ZNF644: variants seen among roughly 807,000 people sequenced by gnomAD.
ZNF644 encodes the protein zinc finger protein 644.
ZNF644 carries 20 observed loss-of-function variants against 108.0 expected under a neutral mutation model. That is an observed-to-expected ratio of 0.19 (90% CI 0.13 to 0.27). The LOEUF is 0.27. Among genes scored for constraint, ZNF644 ranks in the 10% least tolerant of loss-of-function variants. The probability of loss-of-function intolerance (pLI) is 1.00; values close to 1 mark genes in which losing one functional copy is unlikely to be tolerated. For missense variants in ZNF644, 1,338 were observed against 1,548.9 expected (o/e 0.86, Z 2.29); for synonymous variants, 542 against 539.1 (o/e 1.01, Z -0.08).
intron 1 of ZNF644, among the ~76,000 whole-genome samples, chr1:90,989,394 AT>A (rs1198472565): frequency 2.6e-5 from 4 of 152,006 alleles, no homozygotes; most frequent in Admixed American, 6.6e-5. Flanking sequence ...ACTAAAAAAA[AT>A]AAATAGGTGT....
intron 1 of ZNF644, among the ~76,000 whole-genome samples, chr1:91,000,028 A>C (rs902590083): frequency 6.6e-6 from 1 of 152,220 alleles, no homozygotes. Context: ...GAGCACCCAG[A>C]TTCATAAAGC....
At chr1:91,002,216 G>A (rs534973615) in intron 1 of ZNF644, among the ~76,000 whole-genome samples, 9 of 152,200 alleles carry the variant, frequency 5.9e-5, no homozygotes, top group South Asian at 2.1e-4. Flanking sequence ...AGCCCGCATC[G>A]CCAAGTCAAT....
At chr1:90,976,223 C>T (rs1161923854) in intron 2 of ZNF644, among the ~76,000 whole-genome samples, 1 of 152,240 alleles carries the variant, frequency 6.6e-6, no homozygotes, top group South Asian at 2.1e-4. Context: ...TGATATCTTG[C>T]TCTATGAAGC....
intron 4 of ZNF644, among the ~76,000 whole-genome samples, chr1:90,922,714 T>G (rs1570333623): frequency 6.6e-6 from 1 of 152,032 alleles, no homozygotes; most frequent in South Asian, 2.1e-4. Flanking sequence ...TGATAGGTAG[T>G]TTTTTTTATT....
chr1:91,004,619 T>C (rs1234860186), intron 1 of ZNF644, among the ~76,000 whole-genome samples: 1 of 152,108 alleles, frequency 6.6e-6, no homozygotes, highest in Admixed American at 6.5e-5. Context: ...AGTATAACTG[T>C]TTTCTCTTTG....
chr1:90,924,024 T>C (rs538267552), intron 4 of ZNF644, among the ~76,000 whole-genome samples: 2 of 152,292 alleles, frequency 1.3e-5, no homozygotes, highest in Middle Eastern at 3.4e-3. Flanking sequence ...AGGGGATGAT[T>C]ACTAAAGGGT....
intron 1 of ZNF644, among the ~76,000 whole-genome samples, chr1:90,988,293 T>C (rs1004404539): frequency 3.3e-5 from 5 of 152,180 alleles, no homozygotes; most frequent in Admixed American, 1.3e-4. Flanking sequence ...CAATTCCATG[T>C]ACAATAGTAT....
chr1:91,007,212 T>G (rs1221309711), intron 1 of ZNF644, among the ~76,000 whole-genome samples: 1 of 149,646 alleles, frequency 6.7e-6, no homozygotes, highest in African/African-American at 2.5e-5. Context: ...TTTCTTCCAT[T>G]TTCTCCCATT....
intron 2 of ZNF644, among the ~76,000 whole-genome samples, chr1:90,950,728 A>G (rs757090597): frequency 6.6e-6 from 1 of 152,210 alleles, no homozygotes; most frequent in African/African-American, 2.4e-5. Flanking sequence ...TTTTAATAAC[A>G]TAATTACTAA....
rs1320975245 is a variant in ZNF644 at position 90,938,447 on chromosome 1, T to C, written c.2907A>G (p.Pro969=). 1.5e-5 allele frequency: 24 copies of C among 1,613,888 alleles called. No homozygotes were observed. The highest frequency in any genetic ancestry group is 1.9e-5 in the Non-Finnish European group (23 of 1,179,930). Residue 969 remains proline, a synonymous_variant, in exon 3 of 6, where the codon CCA becomes CCG. Transcript: ENST00000337393. This position sits in a 1 kb window ranked among gnomAD's most constrained non-coding sequence, Gnocchi z 4.2. The part of the protein sequence containing the change: ...SLEKKSCPYC[P]ATFETGVGLS... ...ACCCAACACCTGTTTCAAATGTTGC[T>C]GGGCAGTAAGGACACGATTTCTTCT...
chr1:90,950,455 T>A (rs923172105), intron 2 of ZNF644, among the ~76,000 whole-genome samples: 4 of 151,746 alleles, frequency 2.6e-5, no homozygotes, highest in Non-Finnish European at 4.4e-5. Context: ...TTGTGTTTCT[T>A]TATTGAAAAC....
Position 90,939,487 on chromosome 1 carries a change from G to C in ZNF644, c.1867C>G (p.Leu623Val). ...AGGATGTCATTTTTTCTTTTATCAA[G>C]TCCAAGAGGACTACCAAATGAATCA... ...CVDSFGSPLGLDKRKNDILEE... is the reference protein window; with the variant it reads ...CVDSFGSPLGVDKRKNDILEE... Residue 623 changes from leucine to valine, a missense_variant, in exon 3 of 6, where the codon CTT becomes GTT. Coordinates refer to ENST00000337393, the MANE Select transcript of ZNF644 (RefSeq NM_201269.3). The C allele has an allele frequency of 6.2e-7, 1 of 1,613,726 alleles. No homozygotes were observed. The highest frequency in any genetic ancestry group is 8.5e-7 in the Non-Finnish European group (1 of 1,179,882).
intron 2 of ZNF644, among the ~76,000 whole-genome samples, chr1:90,980,161 C>T (rs1257355013): frequency 2.0e-5 from 3 of 152,140 alleles, no homozygotes; most frequent in African/African-American, 4.8e-5. Context: ...CTAAGATAAA[C>T]GAGACATGGA....
In ZNF644 at chr1:90,938,765, A is replaced by G; in HGVS notation, c.2589T>C (p.Asn863=). The change falls in exon 3 of 6, where the codon AAT becomes AAC. Residue 863 remains asparagine, a synonymous_variant. Coordinates refer to ENST00000337393, the MANE Select transcript of ZNF644 (RefSeq NM_201269.3). The surrounding 1 kb of genome is among the most constrained non-coding windows in gnomAD (Gnocchi z 4.2). The stretch of plus-strand genomic sequence containing the variant: ...GTGTAGTGTAGTCTCCTAACTCAAC[A>G]TTATCCCAGGAACTTTCATCTTCTG... The part of the protein sequence containing the change: ...YETEDESSWD[N]VELGDYTTQA... The G allele has an allele frequency of 6.2e-7, 1 of 1,613,756 alleles. No homozygotes were observed. Among genetic ancestry groups the G allele is most frequent in the Non-Finnish European group, 8.5e-7 (1 of 1,179,876 alleles).
At chr1:90,967,596 C>G (rs1655046070) in intron 2 of ZNF644, among the ~76,000 whole-genome samples, 2 of 152,134 alleles carry the variant, frequency 1.3e-5, no homozygotes, top group African/African-American at 4.8e-5. Flanking sequence ...GGAACACAGA[C>G]AACACAGGCT....
chr1:90,970,841 A>T (rs1026171704), intron 2 of ZNF644, among the ~76,000 whole-genome samples: 1 of 152,046 alleles, frequency 6.6e-6, no homozygotes, highest in African/African-American at 2.4e-5. Flanking sequence ...CTCTACTAAA[A>T]ATACAAAAAT....
chr1:90,931,751 G>A (rs967008660), intron 4 of ZNF644, among the ~76,000 whole-genome samples: 10 of 151,870 alleles, frequency 6.6e-5, no homozygotes, highest in Admixed American at 5.9e-4. Flanking sequence ...AAATATTAGG[G>A]AAGATAATGA....
At chr1:90,984,346 A>T (rs1656870491) in intron 1 of ZNF644, among the ~76,000 whole-genome samples, 1 of 152,186 alleles carries the variant, frequency 6.6e-6, no homozygotes, top group South Asian at 2.1e-4. Context: ...GGTGGCTTAC[A>T]TAACAGAAAT....
At chr1:90,951,984 C>T (rs1653222851) in intron 2 of ZNF644, among the ~76,000 whole-genome samples, 1 of 152,152 alleles carries the variant, frequency 6.6e-6, no homozygotes, top group Non-Finnish European at 1.5e-5. Context: ...TTGAAGGCTA[C>T]ACAGTCTTAG....
Sources: allele counts gnomAD v4.1 joint callset (sites outside exome capture counted in the v4.1 genomes callset), GRCh38; gene constraint gnomAD v4.1.1; non-coding constraint Gnocchi (gnomAD v3.1); transcripts MANE v1.5; gene names NCBI Gene and HGNC (gene_info 2026-07-23, HGNC 2026-07-21).